ADA2: variants seen among roughly 807,000 people sequenced by gnomAD.
ADA2 encodes adenosine deaminase CECR1.
In ADA2, 29 loss-of-function variants were observed where a neutral mutation model predicts 44.2. That is an observed-to-expected ratio of 0.66 (90% CI 0.49 to 0.89). The LOEUF (loss-of-function observed/expected upper bound fraction) is 0.89. ADA2 is among the 40% of genes least tolerant of loss of function. ADA2 has a pLI of 0.00. For synonymous variants in ADA2, 215 were observed against 234.9 expected, an observed-to-expected ratio of 0.92 and a Z score of 0.77; for missense variants, 637 against 644.8, an observed-to-expected ratio of 0.99 and a Z score of 0.13.
In ADA2 at chr22:17,191,654, C is replaced by T. The variant is rs748648006; in HGVS notation, c.881+29G>A. 68 of 1,610,102 alleles carry T rather than the reference C, an allele frequency of 4.2e-5. No individual in the cohort carries two copies. In the South Asian group the frequency reaches 7.2e-4, roughly 17 times the overall value. ...TCTGCCTGCATCCCAGCCTCCCAAC[C>T]CGAGCTTTTCAGCAATATTCTCTCT... On this transcript the variant is annotated intron_variant, in intron 5 of 9. Coordinates refer to ENST00000399837, the MANE Select transcript of ADA2 (RefSeq NM_001282225.2).
At chr22:17,187,096 G>A (rs2062044163) in intron 7 of ADA2, among the ~76,000 whole-genome samples, 3 of 149,568 alleles carry the variant, frequency 2.0e-5, no homozygotes, top group African/African-American at 7.4e-5. Context: ...AACCCAGGAA[G>A]CCGAGCTTGC....
chr22:17,188,715 T>TA (rs1254579322), intron 6 of ADA2: 1 of 223,264 alleles, frequency 4.5e-6, no homozygotes, highest in Non-Finnish European at 8.9e-6. Flanking sequence ...CCATCTCTAC[T>TA]AAAAATACAA....
At chr22:17,199,292 G>A (rs1488047871) in intron 4 of ADA2, among the ~76,000 whole-genome samples, 1 of 152,126 alleles carries the variant, frequency 6.6e-6, no homozygotes, top group Non-Finnish European at 1.5e-5. Context: ...GCAGAACAAG[G>A]GGGAAGATGG....
At chr22:17,220,436 C>T (rs561828080), upstream of ADA2, among the ~76,000 whole-genome samples, 1 of 152,222 alleles carries the variant, frequency 6.6e-6, no homozygotes, top group South Asian at 2.1e-4. Context: ...GTTTCCTCAT[C>T]TGAAAATGTG....
intron 4 of ADA2, chr22:17,199,426 C>CCTCCTCTATCCTCTTCCCCTCCCTCCG: frequency 1.0e-6 from 1 of 981,418 alleles, no homozygotes; most frequent in Non-Finnish European, 1.6e-6. Context: ...TCCTCCCTCC[C>CCTCCTCTATCCTCTTCCCCTCCCTCCG]CTCCTCTATC....
chr22:17,193,102 AAAG>A, intron 4 of ADA2: 1 of 1,210,190 alleles, frequency 8.3e-7, no homozygotes, highest in East Asian at 2.4e-5. Context: ...AAAAAAAAAC[AAAG>A]AACACGCTGC....
chr22:17,207,631 G>A (rs1339539726), intron 2 of ADA2, among the ~76,000 whole-genome samples: 2 of 152,198 alleles, frequency 1.3e-5, no homozygotes, highest in South Asian at 4.1e-4. Flanking sequence ...GTCCAAGAGG[G>A]GCAGCATGGG....
chr22:17,200,107 AT>A (rs2062258975), intron 4 of ADA2, among the ~76,000 whole-genome samples: 1 of 152,118 alleles, frequency 6.6e-6, no homozygotes. Context: ...AGGCAGGAGA[AT>A]CACTTGAATC....
intron 1 of ADA2, among the ~76,000 whole-genome samples, chr22:17,210,730 TGG>T (rs2062410170): frequency 6.6e-6 from 1 of 152,050 alleles, no homozygotes; most frequent in African/African-American, 2.4e-5. Context: ...CCCAAGTGGC[TGG>T]GACTACAGGC....
At chr22:17,195,165 C>G (rs776708969) in intron 4 of ADA2, among the ~76,000 whole-genome samples, 1 of 152,196 alleles carries the variant, frequency 6.6e-6, no homozygotes, top group Non-Finnish European at 1.5e-5. Context: ...TAAGCCCTCA[C>G]TCTAACTTCT....
intron 4 of ADA2, chr22:17,193,066 T>C: frequency 2.4e-6 from 2 of 844,846 alleles, no homozygotes; most frequent in Non-Finnish European, 3.8e-6. Context: ...CAGATCTCGA[T>C]GCCCAACAGT....
At chr22:17,220,731 G>A (rs777445911), upstream of ADA2, among the ~76,000 whole-genome samples, 41 of 151,196 alleles carry the variant, frequency 2.7e-4, no homozygotes, top group Non-Finnish European at 2.5e-4. Flanking sequence ...AAAAGCCCAC[G>A]GCAGTTTCAG....
intron 2 of ADA2, among the ~76,000 whole-genome samples, chr22:17,207,693 G>A (rs1340831853): frequency 6.6e-6 from 1 of 152,048 alleles, no homozygotes; most frequent in Non-Finnish European, 1.5e-5. Context: ...TCAAGTCAGG[G>A]CTCCATTGGC....
upstream of ADA2, among the ~76,000 whole-genome samples, chr22:17,219,811 A>G (rs189034964): frequency 2.3e-4 from 35 of 151,218 alleles, no homozygotes; most frequent in East Asian, 5.8e-3. Context: ...AGTAGCTGGG[A>G]TTGCAGGCGT....
intron 3 of ADA2, among the ~76,000 whole-genome samples, chr22:17,206,109 AC>A (rs1300718831): frequency 6.6e-6 from 1 of 152,152 alleles, no homozygotes; most frequent in East Asian, 1.9e-4. Flanking sequence ...AGAGCTAGGA[AC>A]TTTTATTCTC....
chr22:17,211,975 G>T (rs1253193198), intron 1 of ADA2, among the ~76,000 whole-genome samples: 1 of 151,958 alleles, frequency 6.6e-6, no homozygotes, highest in Non-Finnish European at 1.5e-5. Flanking sequence ...AAATAGCAAA[G>T]AAACAATTAA....
At chr22:17,198,763 G>T (rs1358887023) in intron 4 of ADA2, 1 of 152,270 alleles carries the variant, frequency 6.6e-6, no homozygotes, top group African/African-American at 2.4e-5. Flanking sequence ...AGACTCAGGG[G>T]ACCCAGTCTG....
rs35502604 is a variant in ADA2 at position 17,214,039 on chromosome 22, C to CAAAAA, written c.-46-4321_-46-4317dup. ...GAGCAACAAGAGCGAAACTCTGTCT[C>CAAAAA]AAAAAAAAAAAAAAAAAAAAATAGC... is the stretch of plus-strand genomic sequence containing the variant. On this transcript the variant is annotated intron_variant, in intron 1 of 9. Coordinates refer to ENST00000399837, the MANE Select transcript of ADA2 (RefSeq NM_001282225.2). 763 of 285,600 alleles carry CAAAAA rather than the reference C, an allele frequency of 2.7e-3. 2 individuals are homozygous for CAAAAA. Among genetic ancestry groups the CAAAAA allele is most frequent in the Admixed American group, 3.2e-3 (55 of 17,230 alleles). 17.7% of individuals were successfully genotyped at this position (285,600 alleles called of 1,614,324 possible).
At chr22:17,200,785 G>A (rs2123691459) in intron 4 of ADA2, among the ~76,000 whole-genome samples, 1 of 151,816 alleles carries the variant, frequency 6.6e-6, no homozygotes, top group East Asian at 1.9e-4. Context: ...CAGAGGCTGA[G>A]GCAGGAGGTT....
Sources: allele counts gnomAD v4.1 joint callset (sites outside exome capture counted in the v4.1 genomes callset), GRCh38; gene constraint gnomAD v4.1.1; transcripts MANE v1.5; gene names NCBI Gene and HGNC (gene_info 2026-07-23, HGNC 2026-07-21).